ME3: variants seen among roughly 807,000 people sequenced by gnomAD.
The protein encoded by ME3 is NADP-dependent malic enzyme, mitochondrial.
In ME3, 48 loss-of-function variants were observed where a neutral mutation model predicts 68.9. That is an observed-to-expected ratio of 0.70 (90% CI 0.55 to 0.89). ME3 has a LOEUF of 0.89. ME3 is among the 40% of genes least tolerant of loss of function. The probability of loss-of-function intolerance (pLI) is 0.00; values close to 1 mark genes in which losing one functional copy is unlikely to be tolerated. For missense variants in ME3, 675 were observed against 797.4 expected (o/e 0.85, Z 1.85); for synonymous variants, 320 against 318.8 (o/e 1.00, Z -0.04).
chr11:86,645,652 C>A (rs144582634), intron 2 of ME3, among the ~76,000 whole-genome samples: 6 of 152,168 alleles, frequency 3.9e-5, no homozygotes, highest in Admixed American at 1.3e-4. Flanking sequence ...TCCTGCCTGC[C>A]GGCTCTGAAG....
chr11:86,547,839 C>CT (rs1224131100), intron 4 of ME3, among the ~76,000 whole-genome samples: 1 of 152,130 alleles, frequency 6.6e-6, no homozygotes, highest in African/African-American at 2.4e-5. Flanking sequence ...CACACCTATC[C>CT]TTTTGATCAC....
At chr11:86,649,716 A>G (rs533704319) in intron 2 of ME3, among the ~76,000 whole-genome samples, 2 of 152,204 alleles carry the variant, frequency 1.3e-5, no homozygotes, top group Non-Finnish European at 2.9e-5. Context: ...CACAATTCCT[A>G]TGAAGGGAAT....
intron 4 of ME3, among the ~76,000 whole-genome samples, chr11:86,520,781 A>G (rs537719462): frequency 2.0e-5 from 3 of 152,344 alleles, no homozygotes; most frequent in Non-Finnish European, 4.4e-5. Context: ...TAGATGGTCT[A>G]TTCCTTTCTC....
chr11:86,531,518 T>A (rs1472784070), intron 4 of ME3, among the ~76,000 whole-genome samples: 3 of 152,240 alleles, frequency 2.0e-5, no homozygotes, highest in African/African-American at 2.4e-5. Context: ...CAAAGGATTA[T>A]AAATCATGCT....
At chr11:86,665,252 A>G (rs1946520539) in intron 2 of ME3, among the ~76,000 whole-genome samples, 1 of 152,252 alleles carries the variant, frequency 6.6e-6, no homozygotes, top group Non-Finnish European at 1.5e-5. Flanking sequence ...GTTAGATAGC[A>G]TATGAGGAAG....
intron 2 of ME3, among the ~76,000 whole-genome samples, chr11:86,590,513 A>G (rs867177554): frequency 4.6e-5 from 7 of 152,192 alleles, no homozygotes; most frequent in African/African-American, 1.2e-4. Flanking sequence ...AACTTTGGAC[A>G]GTTGCTTTCA....
chr11:86,658,148 A>G (rs1349738297), intron 2 of ME3, among the ~76,000 whole-genome samples: 1 of 149,424 alleles, frequency 6.7e-6, no homozygotes, highest in African/African-American at 2.5e-5. Flanking sequence ...TTTTTTTGAG[A>G]CAATCTCATG....
At chr11:86,521,434 TA>T (rs1954299037) in intron 4 of ME3, among the ~76,000 whole-genome samples, 1 of 107,424 alleles carries the variant, frequency 9.3e-6, no homozygotes, top group Admixed American at 8.7e-5. Flanking sequence ...AAAACAAAAA[TA>T]ATAATAATAA....
chr11:86,497,835 G>T, intron 6 of ME3, 128 bp downstream of exon 6: 2 of 1,107,928 alleles, frequency 1.8e-6, no homozygotes, highest in Admixed American at 2.4e-5. Context: ...GGAATGCCCT[G>T]GTCGGGAGGA....
At chr11:86,663,871 T>G (rs981096926) in intron 2 of ME3, among the ~76,000 whole-genome samples, 2 of 152,244 alleles carry the variant, frequency 1.3e-5, no homozygotes, top group Non-Finnish European at 2.9e-5. Flanking sequence ...TAGACTGACT[T>G]AAGATGTCAG....
intron 8 of ME3, among the ~76,000 whole-genome samples, chr11:86,461,792 G>A (rs529733037): frequency 3.3e-5 from 5 of 152,246 alleles, no homozygotes; most frequent in Admixed American, 3.3e-4. Context: ...TTAATGATAT[G>A]GTCACACCTA....
chr11:86,604,503 A>T (rs1222008699), intron 2 of ME3, among the ~76,000 whole-genome samples: 1 of 152,222 alleles, frequency 6.6e-6, no homozygotes, highest in Non-Finnish European at 1.5e-5. Flanking sequence ...CCTACATGTT[A>T]TAACTGCTTG....
intron 5 of ME3, among the ~76,000 whole-genome samples, chr11:86,498,663 A>G (rs1952521426): frequency 6.6e-6 from 1 of 152,156 alleles, no homozygotes; most frequent in African/African-American, 2.4e-5. Context: ...AATCAGGAAG[A>G]GTTTCAAGCT....
At chr11:86,475,872 T>TAGAGAGAGAG (rs1317802075) in intron 7 of ME3, among the ~76,000 whole-genome samples, 12 of 103,742 alleles carry the variant, frequency 1.2e-4, no homozygotes, top group African/African-American at 2.6e-4. Flanking sequence ...TATATATATA[T>TAGAGAGAGAG]ATAGAGAGAG....
At chr11:86,515,883 A>C (rs1360679652) in intron 4 of ME3, among the ~76,000 whole-genome samples, 1 of 152,222 alleles carries the variant, frequency 6.6e-6, no homozygotes, top group Non-Finnish European at 1.5e-5. Context: ...GAAGGTGGGA[A>C]AACACAGGAA....
intron 3 of ME3, 36 bp from the exon 4 acceptor site, chr11:86,556,738 G>A (rs765160014): frequency 4.0e-5 from 65 of 1,605,950 alleles, no homozygotes; most frequent in Non-Finnish European, 5.2e-5. Flanking sequence ...CTGACATGTG[G>A]TAGCAGCAGG....
At chr11:86,599,051 C>T (rs2139714933) in intron 2 of ME3, among the ~76,000 whole-genome samples, 1 of 152,320 alleles carries the variant, frequency 6.6e-6, no homozygotes, top group East Asian at 1.9e-4. Context: ...TGCCTCTCCT[C>T]CTCCAAAGGA....
chr11:86,465,180 A>G, exon 8 of ME3: 1 of 1,612,838 alleles, frequency 6.2e-7, no homozygotes, highest in African/African-American at 1.3e-5. Flanking sequence ...TTCAAATTGG[A>G]TGAGGCAATT....
intron 2 of ME3, among the ~76,000 whole-genome samples, chr11:86,562,400 A>G (rs1957279212): frequency 1.3e-5 from 2 of 152,168 alleles, no homozygotes; most frequent in Admixed American, 1.3e-4. Flanking sequence ...TCAGTTGGAT[A>G]ATATGTTGGA....
Sources: gnomAD v4.1 joint callset for allele counts (sites outside exome capture counted in the v4.1 genomes callset) on GRCh38, gnomAD v4.1.1 for gene constraint, MANE v1.5 for transcripts, NCBI Gene and HGNC (gene_info 2026-07-23, HGNC 2026-07-21) for gene names.